Variants in NALF1 observed in about 807,000 individuals in gnomAD.
The protein encoded by NALF1 is NALCN channel auxiliary factor 1, also known as family with sequence similarity 155 member A.
In NALF1, 3 loss-of-function variants were observed where a neutral mutation model predicts 48.4. The ratio of observed to expected loss-of-function variants is 0.06; its 90% CI spans 0.03 to 0.16. The LOEUF is 0.16. NALF1 is among the 10% of genes least tolerant of loss of function. The pLI, the probability that NALF1 is intolerant of heterozygous loss-of-function variation, is 1.00. For synonymous variants in NALF1, 262 were observed against 245.7 expected, an observed-to-expected ratio of 1.07 and a Z score of -0.62; for missense variants, 526 against 571.5, an observed-to-expected ratio of 0.92 and a Z score of 0.81.
intron 1 of NALF1, among the ~76,000 whole-genome samples, chr13:107,350,618 A>G (rs2138944654): frequency 6.6e-6 from 1 of 152,354 alleles, no homozygotes; most frequent in East Asian, 1.9e-4. Context: ...CATATATTAG[A>G]TGATTTGCCT....
At chr13:107,554,688 A>G (rs1004959928) in intron 1 of NALF1, among the ~76,000 whole-genome samples, 7 of 152,080 alleles carry the variant, frequency 4.6e-5, no homozygotes. Context: ...TTGCAATGTA[A>G]TCTCCCTTTG....
intron 1 of NALF1, among the ~76,000 whole-genome samples, chr13:107,220,731 T>C (rs1321863958): frequency 3.3e-5 from 5 of 152,082 alleles, no homozygotes; most frequent in Non-Finnish European, 5.9e-5. Flanking sequence ...CTCCCGTCAG[T>C]GCACCTCCGT....
At chr13:107,509,087 T>C (rs2139085645) in intron 1 of NALF1, among the ~76,000 whole-genome samples, 1 of 152,316 alleles carries the variant, frequency 6.6e-6, no homozygotes, top group South Asian at 2.1e-4. Context: ...AATGATTTTC[T>C]ATTTCAAACA....
chr13:107,440,171 G>C (rs926751880), intron 1 of NALF1, among the ~76,000 whole-genome samples: 4 of 152,236 alleles, frequency 2.6e-5, no homozygotes, highest in African/African-American at 9.6e-5. Context: ...TTGAAATTCT[G>C]AAATATTGAC....
chr13:107,716,171 G>A (rs560276580), intron 1 of NALF1, among the ~76,000 whole-genome samples: 78 of 152,234 alleles, frequency 5.1e-4, no homozygotes, highest in African/African-American at 1.6e-3. Context: ...TCTCAAAGGC[G>A]TCAGACTCAT....
intron 1 of NALF1, among the ~76,000 whole-genome samples, chr13:107,277,161 C>A (rs1236680030): frequency 6.6e-6 from 1 of 152,084 alleles, no homozygotes; most frequent in Non-Finnish European, 1.5e-5. Flanking sequence ...CCGGAAACTG[C>A]CAATTTAATA....
At chr13:107,451,610 T>C (rs1257960823) in intron 1 of NALF1, among the ~76,000 whole-genome samples, 3 of 152,216 alleles carry the variant, frequency 2.0e-5, no homozygotes, top group Admixed American at 2.0e-4. Context: ...ATTTTTATTC[T>C]CTTTCCTCTT....
intron 1 of NALF1, among the ~76,000 whole-genome samples, chr13:107,282,507 T>A (rs1881408692): frequency 6.6e-6 from 1 of 152,174 alleles, no homozygotes; most frequent in Non-Finnish European, 1.5e-5. Context: ...CCTCATCATA[T>A]CTCTATGTGG....
intron 1 of NALF1, among the ~76,000 whole-genome samples, chr13:107,615,287 G>C (rs536320630): frequency 6.6e-6 from 1 of 152,064 alleles, no homozygotes; most frequent in Non-Finnish European, 1.5e-5. Context: ...GTCTACAGTA[G>C]GTACTCAATA....
intron 1 of NALF1, among the ~76,000 whole-genome samples, chr13:107,330,612 A>G (rs894390650): frequency 2.0e-5 from 3 of 152,210 alleles, no homozygotes; most frequent in African/African-American, 4.8e-5. Flanking sequence ...ATTATCACAT[A>G]AGGTCTTTTT....
intron 2 of NALF1, among the ~76,000 whole-genome samples, chr13:107,172,529 A>C (rs192349466): frequency 6.6e-6 from 1 of 152,320 alleles, no homozygotes; most frequent in Admixed American, 6.5e-5. Flanking sequence ...TGATGCTTAC[A>C]ATATTCATTT....
At chr13:107,855,978 G>A (rs1880432614) in intron 1 of NALF1, among the ~76,000 whole-genome samples, 1 of 149,532 alleles carries the variant, frequency 6.7e-6, no homozygotes, top group African/African-American at 2.5e-5. Flanking sequence ...CACGAATACT[G>A]CTCATTGGAG....
intron 1 of NALF1, among the ~76,000 whole-genome samples, chr13:107,391,502 T>C (rs895322647): frequency 1.3e-5 from 2 of 152,164 alleles, no homozygotes; most frequent in African/African-American, 4.8e-5. Context: ...GGCTCTTTGT[T>C]TTCCTTCCTT....
chr13:107,767,117 A>G (rs1877437299), intron 1 of NALF1, among the ~76,000 whole-genome samples: 1 of 152,224 alleles, frequency 6.6e-6, no homozygotes, highest in African/African-American at 2.4e-5. Context: ...AGACAAGGAC[A>G]CACCTCATGG....
rs77649161 is a variant in NALF1, at chr13:107,563,178, C to T, written c.915+302504G>A. ...AAAATGAAGGAGAAAACACTTTTGC[C>T]GCAAGGAGATTCCAGCCTGCTGGGG... On this transcript the variant is annotated intron_variant, in intron 1 of 2. Coordinates refer to ENST00000375915, the MANE Select transcript of NALF1 (RefSeq NM_001080396.3). Among the ~76,000 whole-genome samples, 1,099 of 152,274 alleles carry T rather than the reference C, an allele frequency of 7.2e-3. 8 individuals carry two copies. Among genetic ancestry groups the T allele is most frequent in the South Asian group, 0.03 (144 of 4,822 alleles).
At chr13:107,540,844 C>G (rs1033304846) in intron 1 of NALF1, among the ~76,000 whole-genome samples, 1 of 152,036 alleles carries the variant, frequency 6.6e-6, no homozygotes, top group Admixed American at 6.6e-5. Context: ...TAAAAACACA[C>G]AAACTTGAAT....
At chr13:107,181,209 A>G (rs956293619) in intron 2 of NALF1, among the ~76,000 whole-genome samples, 2 of 151,558 alleles carry the variant, frequency 1.3e-5, no homozygotes, top group Non-Finnish European at 3.0e-5. Flanking sequence ...TGGTATCTTT[A>G]TTTATGTGAA....
chr13:107,630,923 T>C (rs1879818317), intron 1 of NALF1, among the ~76,000 whole-genome samples: 3 of 152,146 alleles, frequency 2.0e-5, no homozygotes, highest in African/African-American at 7.2e-5. Context: ...GGGACCTAAA[T>C]GTGTAAATAT....
chr13:107,763,765 T>C (rs1326200139), intron 1 of NALF1, among the ~76,000 whole-genome samples: 1 of 152,160 alleles, frequency 6.6e-6, no homozygotes, highest in Non-Finnish European at 1.5e-5. Flanking sequence ...TATCACTGAA[T>C]TAATACATCA....
Sources: allele counts gnomAD v4.1 joint callset (sites outside exome capture counted in the v4.1 genomes callset), GRCh38; gene constraint gnomAD v4.1.1; transcripts MANE v1.5; gene names NCBI Gene and HGNC (gene_info 2026-07-23, HGNC 2026-07-21).